Variants in DCST2 observed in about 807,000 individuals in gnomAD.
The protein encoded by DCST2 is DC-STAMP domain-containing protein 2.
A neutral mutation model predicts 81.8 loss-of-function variants in DCST2; 64 were observed. That is an observed-to-expected ratio of 0.78 (90% CI 0.64 to 0.96). The LOEUF (loss-of-function observed/expected upper bound fraction) is 0.96, where lower values mean the gene tolerates loss of function less well. Among genes scored for constraint, DCST2 ranks in the 40% least tolerant of loss-of-function variants. The probability of loss-of-function intolerance (pLI) is 0.00; values close to 1 mark genes in which losing one functional copy is unlikely to be tolerated. For synonymous variants in DCST2, 354 were observed against 402.6 expected (o/e 0.88, Z 1.44); for missense variants, 945 against 1,001.4 (o/e 0.94, Z 0.76).
intron 8 of DCST2, 25 bp from the exon 9 acceptor site, chr1:155,026,740 G>A: frequency 1.2e-6 from 2 of 1,612,840 alleles, no homozygotes; most frequent in Non-Finnish European, 1.7e-6. Context: ...CTGTGTGAGT[G>A]ACACTCATGG....
rs1191376504 is a variant in DCST2, at chr1:155,030,080, T to C, written c.1177+4A>G. On this transcript the variant is annotated splice_donor_region_variant and intron_variant, in intron 7 of 14. Coordinates refer to ENST00000368424, the MANE Select transcript of DCST2 (RefSeq NM_144622.3). ...TGGGCTCTCCCTGTCCTCAGGGCCC[T>C]CACCCGGTGGGATGTAGCGCCTGGC... 1 of 1,612,808 alleles carries C rather than the reference T, an allele frequency of 6.2e-7. No homozygotes were observed. Among genetic ancestry groups the C allele is most frequent in the African/African-American group, 1.3e-5 (1 of 74,878 alleles).
At chr1:155,027,531 T>G (rs1034318062) in intron 8 of DCST2, among the ~76,000 whole-genome samples, 1 of 150,910 alleles carries the variant, frequency 6.6e-6, no homozygotes, top group Non-Finnish European at 1.5e-5. Context: ...TTTTGGTTTT[T>G]GTTTTTTAGG....
intron 14 of DCST2, among the ~76,000 whole-genome samples, chr1:155,021,540 C>T (rs1026589484): frequency 1.4e-5 from 2 of 144,596 alleles, no homozygotes; most frequent in African/African-American, 5.3e-5. Context: ...TGATCTAGCT[C>T]ATCCTCTCTC....
At chr1:155,020,139 C>T (rs959993088) in intron 14 of DCST2, among the ~76,000 whole-genome samples, 3 of 152,174 alleles carry the variant, frequency 2.0e-5, no homozygotes, top group Admixed American at 6.5e-5. Context: ...CCCTCCCCAA[C>T]GTGCTTTTAC....
At position 155,031,713 on chromosome 1, in the gene DCST2, C is replaced by T. The variant is rs1191222379; in HGVS notation, c.600G>A (p.Ser200=). The change falls in exon 4 of 15, where the codon TCG becomes TCA. Residue 200 remains serine (S), a synonymous_variant. Coordinates refer to ENST00000368424, the MANE Select transcript of DCST2 (RefSeq NM_144622.3). ...WLLHIGDVCN[S]ELGNPYLKCA... Reference sequence around the variant, plus strand: ...ACTTCAGGTAAGGGTTGCCCAGTTCCGAGTTGCACACATCGCCGATGTGCA... The same window carrying T: ...ACTTCAGGTAAGGGTTGCCCAGTTCTGAGTTGCACACATCGCCGATGTGCA... The T allele has an allele frequency of 4.3e-6, 7 of 1,614,088 alleles. No individual in the cohort carries two copies. The highest frequency in any genetic ancestry group is 3.3e-5 in the Admixed American group (2 of 60,022).
intron 2 of DCST2, 51 bp from the exon 3 acceptor site, chr1:155,032,819 G>T: frequency 4.6e-6 from 7 of 1,520,146 alleles, no homozygotes; most frequent in Non-Finnish European, 6.4e-6. Flanking sequence ...CTAGGGGCTG[G>T]TTCTCACCAT....
chr1:155,031,799 A>G, intron 3 of DCST2, 28 bp from the exon 4 acceptor site: 1 of 1,609,708 alleles, frequency 6.2e-7, no homozygotes. Context: ...GTTGGCACCC[A>G]GGGCTGGAAT....
chr1:155,030,044 C>T (rs1347726911), intron 7 of DCST2, 40 bp downstream of exon 7: 2 of 1,608,490 alleles, frequency 1.2e-6, no homozygotes, highest in Non-Finnish European at 1.7e-6. Context: ...GAAGCCCTGG[C>T]CTCCCTGGCT....
chr1:155,023,825 G>T lies in DCST2; in HGVS notation c.1870+7C>A, dbSNP rs370567417. ...CAGGGAGAGGCACACGCCCCAGGGG[G>T]TCTCACCTTGGCAGCCGGGGGTACT... is the stretch of plus-strand genomic sequence containing the variant. On this transcript the variant is annotated splice_region_variant and intron_variant, in intron 12 of 14. Coordinates refer to ENST00000368424, the MANE Select transcript of DCST2 (RefSeq NM_144622.3). 8 of 1,613,212 alleles carry T rather than the reference G, an allele frequency of 5.0e-6. No homozygotes were observed. The highest frequency in any genetic ancestry group is 1.6e-4 in the Middle Eastern group (1 of 6,082).
At chr1:155,032,357 G>T (rs1660120608) in intron 3 of DCST2, among the ~76,000 whole-genome samples, 1 of 151,132 alleles carries the variant, frequency 6.6e-6, no homozygotes, top group Non-Finnish European at 1.5e-5. Context: ...TTGGAGTACA[G>T]TGGCACGATC....
chr1:155,032,599 G>C (rs1308124452), intron 3 of DCST2, 68 bp downstream of exon 3: 4 of 1,384,090 alleles, frequency 2.9e-6, no homozygotes, highest in Non-Finnish European at 3.1e-6. Flanking sequence ...TTACAGGCAT[G>C]AGCCACCGCA....
intron 5 of DCST2, chr1:155,030,937 T>G (rs907988114): frequency 1.6e-6 from 1 of 613,902 alleles, no homozygotes; most frequent in African/African-American, 1.9e-5. Context: ...GCCCTGGTTC[T>G]GTTCCCAGCT....
At position 155,032,780 on chromosome 1, in the gene DCST2, G is replaced by C. The variant is rs755914870; in HGVS notation, c.440-12C>G. ...CTTGTTCAGGGCACCTGATGGGTGA[G>C]GGACAGAGGCACTTTGGAGTCTTCT... On this transcript the variant is annotated splice_polypyrimidine_tract_variant and intron_variant, in intron 2 of 14. Transcript: ENST00000368424. 1.2e-6 allele frequency: 2 copies of C among 1,611,984 alleles called. No homozygotes were observed. Among genetic ancestry groups the C allele is most frequent in the Non-Finnish European group, 1.7e-6 (2 of 1,178,046 alleles).
chr1:155,018,835 G>T, intron 14 of DCST2, 75 bp from the exon 15 acceptor site: 1 of 1,435,512 alleles, frequency 7.0e-7, no homozygotes, highest in Non-Finnish European at 9.5e-7. Flanking sequence ...CCCCTGCCCT[G>T]CCCCATCTGT....
At chr1:155,029,159 A>C (rs1659995950) in intron 8 of DCST2, 74 bp downstream of exon 8, 7 of 1,544,412 alleles carry the variant, frequency 4.5e-6, no homozygotes, top group Non-Finnish European at 6.2e-6. Flanking sequence ...GCTTGGGAGC[A>C]GGCGGGGAGA....
chr1:155,029,361 TA>T lies in DCST2; in HGVS notation c.1213del (p.Tyr405ThrfsTer18), dbSNP rs774746029. ...GATAAGGTTGAAGGTCTCCAGAATG[TA>T]AAAAAACTTCTCCCATTGGGACAAG... ...IFLSQWEKFF[Y>X]ILETFNLIRH... On this transcript the variant is annotated frameshift_variant, in exon 8 of 15. Coordinates refer to ENST00000368424, the MANE Select transcript of DCST2 (RefSeq NM_144622.3). LOFTEE classifies it high-confidence loss of function. The T allele has an allele frequency of 1.8e-5, 29 of 1,613,680 alleles. 1 individual carries two copies. The highest frequency in any genetic ancestry group is 3.3e-5 in the South Asian group (3 of 91,072).
In DCST2 at chr1:155,026,319, A is replaced by G. The variant is rs749084412; in HGVS notation, c.1594T>C (p.Tyr532His). 4 of 1,613,756 alleles carry G rather than the reference A, an allele frequency of 2.5e-6. No homozygotes were observed. The Admixed American group carries it at 6.7e-5, about 27-fold the overall frequency. ...RLRRVICASY[Y>H]PSREQERISY... is the part of the protein sequence containing the mutation. ...CCCCTCACCTGCTCCCGGGATGGGT[A>G]GTAGGAGGCACAGATGACTCGCCGC... Residue 532 changes from tyrosine (Y) to histidine (H), a missense_variant, in exon 10 of 15, where the codon TAC becomes CAC. Physicochemically the swap from Tyr to His is moderately conservative, Grantham distance 83 (BLOSUM62 2). Coordinates refer to ENST00000368424, the MANE Select transcript of DCST2 (RefSeq NM_144622.3).
At position 155,024,462 on chromosome 1, in the gene DCST2, GTGGCCTCACCGAC is replaced by G; in HGVS notation, c.1739_1742+9del. 1 of 1,594,050 alleles carries G rather than the reference GTGGCCTCACCGAC, an allele frequency of 6.3e-7. No homozygotes were observed. The highest frequency in any genetic ancestry group is 1.1e-5 in the South Asian group (1 of 87,228). On this transcript the variant is annotated splice_donor_variant and splice_donor_5th_base_variant and coding_sequence_variant and intron_variant, in exon 11 of 15. Coordinates refer to ENST00000368424, the MANE Select transcript of DCST2 (RefSeq NM_144622.3). LOFTEE classifies it high-confidence loss of function. ...TTGCCCCACCCCTATAGAAAAGACAGTGGCCTCACCGACTGGCCAGCACTAGGAAGGCACTTCT... is the reference window on the plus strand; with the variant it reads ...TTGCCCCACCCCTATAGAAAAGACAGTGGCCAGCACTAGGAAGGCACTTCT...
At chr1:155,033,290 C>A (rs763056731) in intron 1 of DCST2, 26 bp from the exon 2 acceptor site, 3 of 1,600,090 alleles carry the variant, frequency 1.9e-6, no homozygotes, top group Admixed American at 3.5e-5. Flanking sequence ...TTGTTAGAAC[C>A]AAGACCCCAG....
Sources: gnomAD v4.1 joint callset for allele counts (sites outside exome capture counted in the v4.1 genomes callset) on GRCh38, gnomAD v4.1.1 for gene constraint, MANE v1.5 for transcripts, NCBI Gene and HGNC (gene_info 2026-07-23, HGNC 2026-07-21) for gene names.